EDAR: variants seen among roughly 807,000 people sequenced by gnomAD.
The protein encoded by EDAR is tumor necrosis factor receptor superfamily member EDAR.
Under a neutral mutation model 51.3 loss-of-function variants are expected in EDAR, and 38 were observed. The observed-to-expected ratio is 0.74, with a 90% confidence interval of 0.57 to 0.97. The LOEUF (loss-of-function observed/expected upper bound fraction) is 0.97, where lower values mean the gene tolerates loss of function less well. Among genes scored for constraint, EDAR ranks in the 50% least tolerant of loss-of-function variants. The pLI, the probability that EDAR is intolerant of heterozygous loss-of-function variation, is 0.00. For missense variants in EDAR, 528 were observed against 595.0 expected, an observed-to-expected ratio of 0.89 and a Z score of 1.17; for synonymous variants, 227 against 242.1, an observed-to-expected ratio of 0.94 and a Z score of 0.58.
At chr2:108,906,543 T>C (rs1016498576) in intron 10 of EDAR, among the ~76,000 whole-genome samples, 175 bp from the exon 11 acceptor site, 1 of 152,038 alleles carries the variant, frequency 6.6e-6, no homozygotes, top group Non-Finnish European at 1.5e-5. Flanking sequence ...CTTCTTCAGG[T>C]TTTCCTATTC....
intron 5 of EDAR, among the ~76,000 whole-genome samples, chr2:108,913,598 A>G (rs1481330791): frequency 1.3e-5 from 2 of 152,122 alleles, no homozygotes; most frequent in Non-Finnish European, 1.5e-5. Context: ...TCAGTTTGAA[A>G]TAATAGCTTC....
At chr2:108,906,123 T>A (rs189842756) in intron 11 of EDAR, among the ~76,000 whole-genome samples, 185 bp downstream of exon 11, 40 of 152,326 alleles carry the variant, frequency 2.6e-4, no homozygotes, top group African/African-American at 9.1e-4. Context: ...TGCCTTCCGA[T>A]ATCTGGGAAC....
chr2:108,981,836 A>G (rs1481886823), intron 1 of EDAR, among the ~76,000 whole-genome samples: 1 of 152,208 alleles, frequency 6.6e-6, no homozygotes, highest in African/African-American at 2.4e-5. Context: ...CACATGTGTG[A>G]AGCAGTGATG....
chr2:108,935,141 C>G (rs1378093631), intron 1 of EDAR, among the ~76,000 whole-genome samples: 9 of 152,210 alleles, frequency 5.9e-5, no homozygotes, highest in Non-Finnish European at 8.8e-5. Context: ...TCTGCCACTC[C>G]TGCCTGAATT....
At chr2:108,951,719 G>T (rs142086151) in intron 1 of EDAR, among the ~76,000 whole-genome samples, 148 of 152,014 alleles carry the variant, frequency 9.7e-4, no homozygotes, top group African/African-American at 3.4e-3. Flanking sequence ...CATTCTAAAG[G>T]TTCTTCCATT....
chr2:108,957,383 C>T (rs1257796330), intron 1 of EDAR, among the ~76,000 whole-genome samples: 1 of 152,236 alleles, frequency 6.6e-6, no homozygotes, highest in African/African-American at 2.4e-5. Context: ...AAGTCGGGGG[C>T]AGGTAATGAC....
chr2:108,985,110 T>C (rs898009722), intron 1 of EDAR, among the ~76,000 whole-genome samples: 2 of 152,214 alleles, frequency 1.3e-5, no homozygotes, highest in Non-Finnish European at 2.9e-5. Context: ...GTTGGCAGAA[T>C]CAACTCTTTT....
chr2:108,987,755 G>A (rs138413555), intron 1 of EDAR, among the ~76,000 whole-genome samples: 8 of 152,206 alleles, frequency 5.3e-5, no homozygotes, highest in African/African-American at 1.2e-4. Flanking sequence ...TTTCCCAGCC[G>A]TGAAGGGTAC....
chr2:108,960,886 G>A (rs931632766), intron 1 of EDAR, among the ~76,000 whole-genome samples: 2 of 152,134 alleles, frequency 1.3e-5, no homozygotes, highest in African/African-American at 2.4e-5. Context: ...TCCACCATGT[G>A]GATGTACCAA....
At chr2:108,930,290 C>G in intron 2 of EDAR, 48 bp from the exon 3 acceptor site, 23 of 1,613,254 alleles carry the variant, frequency 1.4e-5, no homozygotes, top group South Asian at 2.2e-5. Context: ...CTTAGAAACA[C>G]ATGTGACTCC....
chr2:108,979,053 C>A (rs1006305955), intron 1 of EDAR, among the ~76,000 whole-genome samples: 3 of 152,122 alleles, frequency 2.0e-5, no homozygotes, highest in Admixed American at 6.6e-5. Context: ...CAGAGAGGTG[C>A]CAGCTTCAAA....
intron 1 of EDAR, among the ~76,000 whole-genome samples, chr2:108,956,955 A>AT (rs1697938990): frequency 1.3e-5 from 2 of 151,986 alleles, no homozygotes. Context: ...CGCCCCGCTA[A>AT]TTTTTTGTAT....
At chr2:108,935,746 T>C (rs1422878768) in intron 1 of EDAR, among the ~76,000 whole-genome samples, 1 of 152,212 alleles carries the variant, frequency 6.6e-6, no homozygotes, top group East Asian at 1.9e-4. Context: ...GCTGCTACTA[T>C]GTGGCAATCT....
chr2:108,897,269 C>T, intron 11 of EDAR, 40 bp from the exon 12 acceptor site: 1 of 1,566,160 alleles, frequency 6.4e-7, no homozygotes, highest in Non-Finnish European at 8.8e-7. Flanking sequence ...TTGCAAGTCA[C>T]AGTCAATAGA....
At chr2:108,980,648 G>T (rs1384755241) in intron 1 of EDAR, among the ~76,000 whole-genome samples, 1 of 152,164 alleles carries the variant, frequency 6.6e-6, no homozygotes, top group Non-Finnish European at 1.5e-5. Context: ...TGGGGCCAGG[G>T]AGGGTTTCTC....
intron 1 of EDAR, among the ~76,000 whole-genome samples, chr2:108,955,362 G>T (rs996827417): frequency 1.3e-5 from 2 of 152,186 alleles, no homozygotes; most frequent in East Asian, 3.8e-4. Flanking sequence ...TAAAATAAAA[G>T]AAAAATATAA....
intron 4 of EDAR, among the ~76,000 whole-genome samples, chr2:108,926,990 C>A (rs984625086): frequency 6.6e-6 from 1 of 152,194 alleles, no homozygotes; most frequent in Non-Finnish European, 1.5e-5. Flanking sequence ...GCCTTGTCTG[C>A]AGTAGAGGGG....
intron 1 of EDAR, among the ~76,000 whole-genome samples, chr2:108,951,078 C>T (rs1363525901): frequency 1.3e-5 from 2 of 152,220 alleles, no homozygotes; most frequent in African/African-American, 4.8e-5. Flanking sequence ...TTATTTCTTG[C>T]ACTTGCTCAC....
intron 1 of EDAR, among the ~76,000 whole-genome samples, chr2:108,961,341 C>G (rs1177299945): frequency 6.6e-6 from 1 of 152,172 alleles, no homozygotes; most frequent in Non-Finnish European, 1.5e-5. Context: ...ACCCACCAGT[C>G]TAGGCTGACC....
Sources: gnomAD v4.1 joint callset for allele counts (sites outside exome capture counted in the v4.1 genomes callset) on GRCh38, gnomAD v4.1.1 for gene constraint, MANE v1.5 for transcripts, NCBI Gene and HGNC (gene_info 2026-07-23, HGNC 2026-07-21) for gene names.